Variants in DLGAP2 observed in about 807,000 individuals in gnomAD.
The protein encoded by DLGAP2 is disks large-associated protein 2.
A neutral mutation model predicts 100.3 loss-of-function variants in DLGAP2; 26 were observed. That is an observed-to-expected ratio of 0.26 (90% CI 0.19 to 0.36). The LOEUF (loss-of-function observed/expected upper bound fraction) is 0.36, where lower values mean the gene tolerates loss of function less well. Among genes scored for constraint, DLGAP2 ranks in the 10% least tolerant of loss-of-function variants. The pLI is 1.00. For missense variants in DLGAP2, 1,858 were observed against 1,453.2 expected, an observed-to-expected ratio of 1.28 and a Z score of -4.53; for synonymous variants, 886 against 630.1, an observed-to-expected ratio of 1.41 and a Z score of -6.08.
At chr8:1,615,180 C>G (rs1797110536) in intron 6 of DLGAP2, among the ~76,000 whole-genome samples, 1 of 152,060 alleles carries the variant, frequency 6.6e-6, no homozygotes, top group Non-Finnish European at 1.5e-5. Context: ...AGTTTAGTTT[C>G]CAGCTGCTGA....
chr8:837,268 C>CG (rs1796896726), intron 1 of DLGAP2, among the ~76,000 whole-genome samples: 2 of 152,216 alleles, frequency 1.3e-5, no homozygotes, highest in South Asian at 2.1e-4. Context: ...GGCCAGTCCT[C>CG]GGACCTGTGC....
chr8:1,260,218 T>C lies in DLGAP2; in HGVS notation c.106+1335T>C, dbSNP rs148808603. ...CTGTCTGTTGGGTGTTTGAAAGCTT[T>C]ATTATTTCTTATTATAACTTCCATT... On this transcript the variant is annotated intron_variant, in intron 3 of 14. Transcript: ENST00000637795. Among the ~76,000 whole-genome samples the C allele has an allele frequency of 3.9e-4, 59 of 152,324 alleles. 1 individual carries two copies. Among genetic ancestry groups the C allele is most frequent in the African/African-American group, 1.4e-3 (57 of 41,578 alleles).
chr8:787,848 G>T (rs1281267323), intron 1 of DLGAP2, among the ~76,000 whole-genome samples: 2 of 152,224 alleles, frequency 1.3e-5, no homozygotes, highest in African/African-American at 4.8e-5. Flanking sequence ...AGCACTTGGG[G>T]CTGCTGTGAG....
At chr8:859,146 C>T (rs527281687) in intron 1 of DLGAP2, among the ~76,000 whole-genome samples, 33 of 148,688 alleles carry the variant, frequency 2.2e-4, no homozygotes, top group Non-Finnish European at 4.0e-4. Context: ...GAGTCTCGCT[C>T]TATTGCCCAG....
At chr8:1,456,583 T>C (rs1208848825) in intron 3 of DLGAP2, among the ~76,000 whole-genome samples, 2 of 152,156 alleles carry the variant, frequency 1.3e-5, no homozygotes, top group African/African-American at 4.8e-5. Flanking sequence ...AAGCATCACC[T>C]TTTTGCAGCA....
chr8:795,697 C>T (rs1796013696), intron 1 of DLGAP2, among the ~76,000 whole-genome samples: 4 of 149,618 alleles, frequency 2.7e-5, no homozygotes, highest in Non-Finnish European at 4.4e-5. Flanking sequence ...CCAGTGAGAG[C>T]AGGCGTCCAG....
intron 2 of DLGAP2, among the ~76,000 whole-genome samples, chr8:1,095,614 G>A (rs899394881): frequency 1.3e-5 from 2 of 152,154 alleles, no homozygotes; most frequent in Non-Finnish European, 2.9e-5. Flanking sequence ...CATTTTCCGA[G>A]TGCTGGGCGC....
chr8:1,596,234 G>C (rs1796456121), intron 6 of DLGAP2, among the ~76,000 whole-genome samples: 2 of 152,074 alleles, frequency 1.3e-5, no homozygotes, highest in South Asian at 4.1e-4. Flanking sequence ...AGTATTCCAT[G>C]GTGTATATGT....
chr8:1,233,659 T>C (rs1714841625), intron 2 of DLGAP2, among the ~76,000 whole-genome samples: 1 of 152,168 alleles, frequency 6.6e-6, no homozygotes, highest in Admixed American at 6.5e-5. Context: ...TCGTTTGTGT[T>C]TTTAGTTACT....
At chr8:1,555,648 C>A (rs1033516731) in intron 5 of DLGAP2, among the ~76,000 whole-genome samples, 2 of 152,222 alleles carry the variant, frequency 1.3e-5, no homozygotes, top group African/African-American at 4.8e-5. Flanking sequence ...CGGCTGGACT[C>A]CTCCATCACC....
At position 1,126,552 on chromosome 8, in the gene DLGAP2, C is replaced by G. The variant is rs532979475; in HGVS notation, c.74-132299C>G. 7.2e-5 allele frequency among the ~76,000 whole-genome samples: 11 copies of G among 151,832 alleles called. No individual in the cohort carries two copies. In the South Asian group the frequency reaches 2.3e-3, roughly 32 times the overall value. Reference sequence around the variant, plus strand: ...CAGGCAGAGATCAGGCTGGGAGATCCTGGTGGTGAGATCAGAGGCTTAGAC... The same window carrying G: ...CAGGCAGAGATCAGGCTGGGAGATCGTGGTGGTGAGATCAGAGGCTTAGAC... On this transcript the variant is annotated intron_variant, in intron 2 of 14. Coordinates refer to ENST00000637795, the MANE Select transcript of DLGAP2 (RefSeq NM_001346810.2).
chr8:1,572,996 G>A (rs545779800), intron 6 of DLGAP2, among the ~76,000 whole-genome samples: 9 of 92,888 alleles, frequency 9.7e-5, no homozygotes, highest in Admixed American at 1.2e-4. Context: ...CTGGAGGGGC[G>A]TCTTCTGGGA....
rs897712600 is a variant in DLGAP2, at chr8:1,542,891, T to C, written c.173-5735T>C. On this transcript the variant is annotated intron_variant, in intron 4 of 14. Coordinates refer to ENST00000637795, the MANE Select transcript of DLGAP2 (RefSeq NM_001346810.2). Reference sequence around the variant, plus strand: ...CATCAAGCTTTGGAACTGTGTCCTTTTCCCTCTGTCCACTCCAGGGGGCTT... The same window carrying C: ...CATCAAGCTTTGGAACTGTGTCCTTCTCCCTCTGTCCACTCCAGGGGGCTT... Among the ~76,000 whole-genome samples, 10 of 152,300 alleles carry C rather than the reference T, an allele frequency of 6.6e-5. No homozygotes were observed. The East Asian group carries it at 1.4e-3, about 21-fold the overall frequency.
chr8:921,181 G>C (rs538584270), intron 2 of DLGAP2, among the ~76,000 whole-genome samples: 1 of 152,172 alleles, frequency 6.6e-6, no homozygotes, highest in South Asian at 2.1e-4. Flanking sequence ...TATAGTCCTA[G>C]GAATCTTTTT....
At chr8:769,584 T>G (rs1326879323) in intron 1 of DLGAP2, among the ~76,000 whole-genome samples, 1 of 152,126 alleles carries the variant, frequency 6.6e-6, no homozygotes, top group Non-Finnish European at 1.5e-5. Context: ...CTGGGCTAAT[T>G]TATTGATTCA....
At chr8:1,419,842 C>T (rs1411988420) in intron 3 of DLGAP2, among the ~76,000 whole-genome samples, 1 of 152,176 alleles carries the variant, frequency 6.6e-6, no homozygotes, top group Non-Finnish European at 1.5e-5. Flanking sequence ...CCAGCAATCC[C>T]ACTACTGAGT....
intron 8 of DLGAP2, among the ~76,000 whole-genome samples, chr8:1,660,433 G>A (rs865933625): frequency 3.3e-5 from 5 of 152,290 alleles, no homozygotes; most frequent in Middle Eastern, 6.8e-3. Context: ...TACGCCCACT[G>A]TAAGTGAGAA....
chr8:1,132,212 T>C (rs1796309181), intron 2 of DLGAP2, among the ~76,000 whole-genome samples: 2 of 152,240 alleles, frequency 1.3e-5, no homozygotes, highest in Non-Finnish European at 2.9e-5. Context: ...AAAGCCATGT[T>C]TTTGATGACT....
intron 6 of DLGAP2, among the ~76,000 whole-genome samples, chr8:1,579,439 T>A (rs1681193581): frequency 2.0e-5 from 3 of 152,038 alleles, no homozygotes; most frequent in Admixed American, 6.6e-5. Context: ...CACTTTAAAT[T>A]CATAAAATTA....
Sources: gnomAD v4.1 joint callset for allele counts (sites outside exome capture counted in the v4.1 genomes callset) on GRCh38, gnomAD v4.1.1 for gene constraint, MANE v1.5 for transcripts, NCBI Gene and HGNC (gene_info 2026-07-23, HGNC 2026-07-21) for gene names.